Variants in TLE4 observed in about 807,000 individuals in gnomAD.
The protein encoded by TLE4 is transducin-like enhancer protein 4.
In TLE4, 8 loss-of-function variants were observed where a neutral mutation model predicts 92.8. That is an observed-to-expected ratio of 0.09 (90% CI 0.05 to 0.16). TLE4 has a LOEUF of 0.16. TLE4 is among the 10% of genes least tolerant of loss of function. The probability of loss-of-function intolerance (pLI) is 1.00; values close to 1 mark genes in which losing one functional copy is unlikely to be tolerated. For synonymous variants in TLE4, 371 were observed against 374.1 expected, an observed-to-expected ratio of 0.99 and a Z score of 0.10; for missense variants, 675 against 997.6, an observed-to-expected ratio of 0.68 and a Z score of 4.36.
In TLE4 at chr9:79,659,736, CTTAG is replaced by C. The variant is rs541574487; in HGVS notation, c.609+5666_609+5669del. ...AAAAATTTAGGGGAAGAGAACTTTA[CTTAG>C]TTAGGGCATGGGGAATCAGGGATAC... On this transcript the variant is annotated intron_variant, in intron 8 of 19. Transcript: ENST00000376552. Among the ~76,000 whole-genome samples, 785 of 152,172 alleles carry C rather than the reference CTTAG, an allele frequency of 5.2e-3. 8 individuals carry two copies. Among genetic ancestry groups the C allele is most frequent in the African/African-American group, 0.017 (723 of 41,536 alleles).
At chr9:79,607,029 A>G (rs189071346) in intron 4 of TLE4, among the ~76,000 whole-genome samples, 55 of 152,256 alleles carry the variant, frequency 3.6e-4, no homozygotes, top group African/African-American at 1.3e-3. Context: ...CATCATCTCC[A>G]GCACCTGTTG....
chr9:79,721,264 C>T (rs968253530), intron 16 of TLE4, among the ~76,000 whole-genome samples: 6 of 152,174 alleles, frequency 3.9e-5, no homozygotes, highest in Admixed American at 1.3e-4. Flanking sequence ...TTGAGAGCCT[C>T]GCCTTCCGTC....
intron 4 of TLE4, among the ~76,000 whole-genome samples, chr9:79,580,964 A>G (rs2039488539): frequency 6.6e-6 from 1 of 152,144 alleles, no homozygotes. Context: ...TTCAGATACA[A>G]TTATAAGACT....
At position 79,571,993 on chromosome 9, in the gene TLE4, G is replaced by C. The variant is rs745549432; in HGVS notation, c.-798G>C. The C allele has an allele frequency of 6.6e-6, 1 of 152,206 alleles. No homozygotes were observed. Among genetic ancestry groups the C allele is most frequent in the African/African-American group, 2.4e-5 (1 of 41,416 alleles). The allele number at this position is 152,206 out of a possible 1,614,324, so 9.4% of individuals were successfully genotyped here. A position where few individuals can be genotyped will look rare whatever the true frequency, so the allele number is the denominator to read the frequency against. On this transcript the variant is annotated 5_prime_UTR_variant, in exon 1 of 20. Transcript: ENST00000376552. ...GCGTGTTGTTAGAGCTGTGCTGAGC[G>C]GGTGTTTGGGTTGTTGGCTGCTTTC...
In TLE4 at chr9:79,721,471, A is replaced by AT. The variant is rs199849574; in HGVS notation, c.1839-263dup. Among the ~76,000 whole-genome samples the AT allele has an allele frequency of 8.6e-3, 1,313 of 152,150 alleles. 12 individuals are homozygous for AT. The highest frequency in any genetic ancestry group is 0.026 in the African/African-American group (1,081 of 41,492). On this transcript the variant is annotated intron_variant, in intron 16 of 19. Transcript: ENST00000376552. ...GTGTTTTCTTTTGTTAATTTCAGAG[A>AT]TTTTTTTCCCATTAGTAATATCAGT...
At chr9:79,620,031 T>C (rs1474946684) in intron 5 of TLE4, among the ~76,000 whole-genome samples, 2 of 152,180 alleles carry the variant, frequency 1.3e-5, no homozygotes, top group African/African-American at 4.8e-5. Context: ...AAGTGAAAGA[T>C]GATTCTCAGG....
intron 15 of TLE4, 138 bp from the exon 16 acceptor site, chr9:79,719,908 T>A: frequency 3.5e-6 from 4 of 1,134,666 alleles, no homozygotes; most frequent in Non-Finnish European, 4.9e-6. Context: ...CTAGCATTAA[T>A]CCACTTTATC....
intron 8 of TLE4, among the ~76,000 whole-genome samples, chr9:79,654,376 T>C (rs773764786): frequency 1.3e-5 from 2 of 152,126 alleles, no homozygotes; most frequent in Admixed American, 6.6e-5. Context: ...ACTTAGGCTT[T>C]GGCTGTAAGA....
intron 8 of TLE4, chr9:79,671,303 A>G (rs1564797097): frequency 2.2e-6 from 1 of 456,086 alleles, no homozygotes; most frequent in Non-Finnish European, 4.4e-6. Flanking sequence ...TTTAAAAGAC[A>G]TTCACCTGCC....
intron 8 of TLE4, among the ~76,000 whole-genome samples, chr9:79,704,339 T>C (rs2070882712): frequency 6.6e-6 from 1 of 152,156 alleles, no homozygotes; most frequent in African/African-American, 2.4e-5. Context: ...GGTCTCGACC[T>C]CCTGACCTTG....
intron 8 of TLE4, among the ~76,000 whole-genome samples, chr9:79,702,284 A>T (rs145895470): frequency 1.9e-4 from 29 of 152,282 alleles, no homozygotes; most frequent in African/African-American, 7.0e-4. Context: ...CTTTTAAAAG[A>T]GGAGTTAAAA....
At chr9:79,656,779 G>A (rs1011776138) in intron 8 of TLE4, among the ~76,000 whole-genome samples, 2 of 152,180 alleles carry the variant, frequency 1.3e-5, no homozygotes, top group African/African-American at 4.8e-5. Context: ...GCAGATTTCA[G>A]AATAGCTTAT....
Position 79,606,375 on chromosome 9 carries a change from T to G in TLE4, c.253-6281T>G, listed in dbSNP as rs562740795. Among the ~76,000 whole-genome samples the G allele has an allele frequency of 7.6e-3, 402 of 52,924 alleles. 2 individuals carry two copies. Among genetic ancestry groups the G allele is most frequent in the African/African-American group, 0.041 (131 of 3,166 alleles). 34.7% of individuals were successfully genotyped at this position (52,924 alleles called of 152,430 possible). On this transcript the variant is annotated intron_variant, in intron 4 of 19. Transcript: ENST00000376552. ...ATACCTAAGATTAGTGTGTGTGTGT[T>G]TTTTTTTTTTTTTTAAATACTTTTT...
intron 14 of TLE4, among the ~76,000 whole-genome samples, chr9:79,715,755 C>T (rs1290903999): frequency 6.6e-6 from 1 of 152,100 alleles, no homozygotes; most frequent in Non-Finnish European, 1.5e-5. Flanking sequence ...AAGACAACCC[C>T]CCAGTATCTT....
At chr9:79,708,980 C>T (rs573886020) in intron 13 of TLE4, among the ~76,000 whole-genome samples, 194 bp downstream of exon 13, 3 of 152,188 alleles carry the variant, frequency 2.0e-5, no homozygotes, top group Admixed American at 6.5e-5. Context: ...AAACAGCATG[C>T]GCCACCATGC....
At chr9:79,633,204 A>G (rs1191995901) in intron 6 of TLE4, among the ~76,000 whole-genome samples, 1 of 152,166 alleles carries the variant, frequency 6.6e-6, no homozygotes, top group African/African-American at 2.4e-5. Flanking sequence ...TAAGTAATTT[A>G]AAAACTCTGC....
intron 9 of TLE4, among the ~76,000 whole-genome samples, chr9:79,705,512 A>C (rs1386667095): frequency 1.3e-5 from 2 of 152,210 alleles, no homozygotes; most frequent in Non-Finnish European, 1.5e-5. Flanking sequence ...TTTACCTCCC[A>C]ATATGCAGTT....
At chr9:79,724,834 G>C (rs941278498) in intron 19 of TLE4, among the ~76,000 whole-genome samples, 1 of 113,286 alleles carries the variant, frequency 8.8e-6, no homozygotes, top group Non-Finnish European at 1.7e-5. Flanking sequence ...GTGACTGAGG[G>C]AGACCCTGTC....
intron 4 of TLE4, among the ~76,000 whole-genome samples, chr9:79,585,730 A>G (rs1331278329): frequency 6.6e-6 from 1 of 151,936 alleles, no homozygotes; most frequent in Non-Finnish European, 1.5e-5. Flanking sequence ...ATCCAAAGTT[A>G]CCCAATGTGC....
Sources: gnomAD v4.1 joint callset for allele counts (sites outside exome capture counted in the v4.1 genomes callset) on GRCh38, gnomAD v4.1.1 for gene constraint, MANE v1.5 for transcripts, NCBI Gene and HGNC (gene_info 2026-07-23, HGNC 2026-07-21) for gene names.